Variants in DAPP1 observed in about 807,000 individuals in gnomAD.
DAPP1 encodes the protein dual adaptor of phosphotyrosine and 3-phosphoinositides 1.
DAPP1 carries 20 observed loss-of-function variants against 41.5 expected under a neutral mutation model. The observed-to-expected ratio is 0.48, with a 90% CI of 0.34 to 0.70. The LOEUF is 0.70. Among genes scored for constraint, DAPP1 ranks in the 30% least tolerant of loss-of-function variants. The pLI is 0.01. For synonymous variants in DAPP1, 113 were observed against 116.2 expected (o/e 0.97, Z 0.18); for missense variants, 233 against 333.4 (o/e 0.70, Z 2.35).
At chr4:99,836,271 G>T (rs1407052992) in intron 2 of DAPP1, among the ~76,000 whole-genome samples, 1 of 152,118 alleles carries the variant, frequency 6.6e-6, no homozygotes, top group Non-Finnish European at 1.5e-5. Flanking sequence ...GTCCCCACCA[G>T]GTTCATACAG....
At chr4:99,843,719 A>G (rs1424533103) in intron 3 of DAPP1, among the ~76,000 whole-genome samples, 2 of 152,228 alleles carry the variant, frequency 1.3e-5, no homozygotes, top group Admixed American at 1.3e-4. Context: ...TTACCTTCTG[A>G]CATCTATAAT....
chr4:99,862,985 TTGTGTG>T lies in DAPP1; in HGVS notation c.538-15_538-10del. 1 of 1,491,924 alleles carries T rather than the reference TTGTGTG, an allele frequency of 6.7e-7. No individual in the cohort carries two copies. Among genetic ancestry groups the T allele is most frequent in the Non-Finnish European group, 9.1e-7 (1 of 1,097,310 alleles). The allele number at this position is 1,491,924 out of a possible 1,614,324, so 92.4% of individuals were successfully genotyped here. A position where few individuals can be genotyped will look rare whatever the true frequency, so the allele number is the denominator to read the frequency against. On this transcript the variant is annotated intron_variant, in intron 5 of 8. Transcript: ENST00000512369. ...TTCAAAACTTTGTGTGTCTGTGTGT[TTGTGTG>T]TGTGTGTGTTTTTCTCAGACCTGGA...
In DAPP1 at chr4:99,840,281, C is replaced by T. The variant is rs1404197448; in HGVS notation, c.225-8C>T. The T allele has an allele frequency of 4.7e-6, 7 of 1,486,144 alleles. No homozygotes were observed. Among genetic ancestry groups the T allele is most frequent in the East Asian group, 2.4e-5 (1 of 40,880 alleles). 92.1% of individuals were successfully genotyped at this position (1,486,144 alleles called of 1,614,324 possible). A position where few individuals can be genotyped will look rare whatever the true frequency, so the allele number is the denominator to read the frequency against. On this transcript the variant is annotated splice_polypyrimidine_tract_variant and splice_region_variant and intron_variant, in intron 2 of 8. Transcript: ENST00000512369. ...AAATAATATTAAATACTTCTTTTTC[C>T]CTTTTAGGGCCAAAGATTCTGTTAA...
intron 1 of DAPP1, among the ~76,000 whole-genome samples, chr4:99,832,785 G>T (rs552454053): frequency 6.6e-6 from 1 of 152,062 alleles, no homozygotes; most frequent in Non-Finnish European, 1.5e-5. Flanking sequence ...TGTTTTAAAC[G>T]CAAACTTCCA....
chr4:99,839,130 C>T (rs1266700345), intron 2 of DAPP1, among the ~76,000 whole-genome samples: 1 of 152,112 alleles, frequency 6.6e-6, no homozygotes, highest in Non-Finnish European at 1.5e-5. Flanking sequence ...AGGTGTGTCA[C>T]CTAAGAACAT....
rs114200274 is a variant in DAPP1, at chr4:99,845,458, G to T, written c.358+5036G>T. Reference sequence around the variant, plus strand: ...TTGAAATTGGTCCTACAGCGACACTGCAATACATTGCTGCCATGGCACAGC... The same window carrying T: ...TTGAAATTGGTCCTACAGCGACACTTCAATACATTGCTGCCATGGCACAGC... On this transcript the variant is annotated intron_variant, in intron 3 of 8. Coordinates refer to ENST00000512369, the MANE Select transcript of DAPP1 (RefSeq NM_014395.3). 6.3e-3 allele frequency among the ~76,000 whole-genome samples: 953 copies of T among 152,328 alleles called. 10 individuals are homozygous for T. The highest frequency in any genetic ancestry group is 0.022 in the African/African-American group (907 of 41,556).
At chr4:99,847,172 G>A (rs554379872) in intron 3 of DAPP1, among the ~76,000 whole-genome samples, 5 of 152,272 alleles carry the variant, frequency 3.3e-5, no homozygotes, top group Non-Finnish European at 7.4e-5. Flanking sequence ...ACACCTTACA[G>A]GCTAGCTGGG....
In DAPP1 at chr4:99,840,330, G is replaced by C; in HGVS notation, c.266G>C (p.Gly89Ala). Residue 89 changes from glycine (G) to alanine (A), a missense_variant, in exon 3 of 9, where the codon GGA (glycine) becomes GCA (alanine). Coordinates refer to ENST00000512369, the MANE Select transcript of DAPP1 (RefSeq NM_014395.3). Reference sequence around the variant, plus strand: ...AAACACTTTCATGTTGAATATACTGGATATTCATTTAAATTTGGCTTTAAT... The same window carrying C: ...AAACACTTTCATGTTGAATATACTGCATATTCATTTAAATTTGGCTTTAAT... ...SVKHFHVEYT[G>A]YSFKFGFNEF... The C allele has an allele frequency of 6.2e-7, 1 of 1,602,198 alleles. No individual in the cohort carries two copies. Among genetic ancestry groups the C allele is most frequent in the South Asian group, 1.1e-5 (1 of 89,422 alleles).
At chr4:99,820,467 A>T (rs1722735435) in intron 1 of DAPP1, among the ~76,000 whole-genome samples, 1 of 152,232 alleles carries the variant, frequency 6.6e-6, no homozygotes, top group Non-Finnish European at 1.5e-5. Context: ...CAAATGATCT[A>T]GTCAGTTGTA....
intron 3 of DAPP1, among the ~76,000 whole-genome samples, chr4:99,852,234 C>T (rs1035134587): frequency 2.6e-5 from 4 of 152,236 alleles, no homozygotes; most frequent in East Asian, 3.9e-4. Context: ...TGTAAATATT[C>T]GTTGAATGAA....
At chr4:99,843,409 T>A (rs577698926) in intron 3 of DAPP1, among the ~76,000 whole-genome samples, 1 of 152,314 alleles carries the variant, frequency 6.6e-6, no homozygotes, top group African/African-American at 2.4e-5. Flanking sequence ...TTTTTTCTAT[T>A]CCCTACTCTT....
intron 1 of DAPP1, among the ~76,000 whole-genome samples, chr4:99,819,158 ATTCAATAC>A (rs2110130831): frequency 6.6e-6 from 1 of 152,344 alleles, no homozygotes; most frequent in African/African-American, 2.4e-5. Context: ...CAAGTGTACA[ATTCAATAC>A]TTTTGACTAA....
intron 4 of DAPP1, among the ~76,000 whole-genome samples, chr4:99,860,044 G>A (rs1435829213): frequency 6.6e-6 from 1 of 152,240 alleles, no homozygotes; most frequent in Non-Finnish European, 1.5e-5. Flanking sequence ...TAGGATGGCA[G>A]GAAGGACAGT....
intron 1 of DAPP1, among the ~76,000 whole-genome samples, chr4:99,833,785 A>G (rs550667164): frequency 3.3e-5 from 5 of 152,336 alleles, no homozygotes; most frequent in African/African-American, 9.6e-5. Context: ...TATTTGAGCA[A>G]TAAGAAAGTC....
chr4:99,827,873 A>G (rs951975456), intron 1 of DAPP1, among the ~76,000 whole-genome samples: 1 of 152,226 alleles, frequency 6.6e-6, no homozygotes, highest in Non-Finnish European at 1.5e-5. Context: ...AAAGCTGAAG[A>G]TGATGGAAAG....
chr4:99,847,518 G>A (rs1268149022), intron 3 of DAPP1, among the ~76,000 whole-genome samples: 2 of 152,186 alleles, frequency 1.3e-5, no homozygotes, highest in Non-Finnish European at 2.9e-5. Flanking sequence ...CTGAAACCAG[G>A]TTTCATGTCA....
Position 99,835,665 on chromosome 4 carries a change from T to C in DAPP1, c.144T>C (p.Leu48=). Residue 48 remains leucine, a synonymous_variant, in exon 2 of 9, where the codon CTT becomes CTC. Transcript: ENST00000512369. ...TCACACGCCATGCTGCTGAAGCTCT[T>C]CTCCTCTCAAATGGATGTGACGGCA... ...GNLTRHAAEA[L]LLSNGCDGSY... is the part of the protein sequence containing the mutation. The C allele has an allele frequency of 6.2e-7, 1 of 1,613,820 alleles. No homozygotes were observed. Among genetic ancestry groups the C allele is most frequent in the Non-Finnish European group, 8.5e-7 (1 of 1,179,808 alleles).
intron 2 of DAPP1, among the ~76,000 whole-genome samples, chr4:99,837,380 C>T (rs1212090150): frequency 6.6e-6 from 1 of 152,146 alleles, no homozygotes; most frequent in Non-Finnish European, 1.5e-5. Flanking sequence ...TACAGGCCTA[C>T]TTGAAGTGGG....
At chr4:99,871,102 G>C (rs990758651), downstream of DAPP1, among the ~76,000 whole-genome samples, 1 of 152,184 alleles carries the variant, frequency 6.6e-6, no homozygotes, top group Non-Finnish European at 1.5e-5. Context: ...GCATGCAAGA[G>C]AGTGGGTTCC....
Sources: allele counts gnomAD v4.1 joint callset (sites outside exome capture counted in the v4.1 genomes callset), GRCh38; gene constraint gnomAD v4.1.1; transcripts MANE v1.5; gene names NCBI Gene and HGNC (gene_info 2026-07-23, HGNC 2026-07-21).